The following POLRMT variants were observed in gnomAD, a reference collection of about 807,000 sequenced individuals.
POLRMT encodes the protein RNA polymerase mitochondrial.
In POLRMT, 114 loss-of-function variants were observed where a neutral mutation model predicts 132.2. That is an observed-to-expected ratio of 0.86 (90% CI 0.74 to 1.01). POLRMT has a LOEUF of 1.01. Among genes scored for constraint, POLRMT ranks in the 50% least tolerant of loss-of-function variants. The probability of loss-of-function intolerance (pLI) is 0.00; values close to 1 mark genes in which losing one functional copy is unlikely to be tolerated. For missense variants in POLRMT, 2,003 were observed against 1,729.1 expected (o/e 1.16, Z -2.81); for synonymous variants, 1,020 against 773.4 (o/e 1.32, Z -5.29).
intron 19 of POLRMT, 31 bp from the exon 20 acceptor site, chr19:617,511 GAGGCC>G: frequency 1.2e-6 from 2 of 1,605,688 alleles, no homozygotes; most frequent in Non-Finnish European, 1.7e-6. Flanking sequence ...GGGTGAGGCT[GAGGCC>G]AGGTTTTGGG....
rs778197186 is a variant in POLRMT at position 619,705 on chromosome 19, C to T, written c.2947G>A (p.Gly983Ser). ...TTCACCACCTTGCGGGTGATGAAACCTTCCAGCACCTGTGCCACCCGCATG... is the reference window on the plus strand; with the variant it reads ...TTCACCACCTTGCGGGTGATGAAACTTTCCAGCACCTGTGCCACCCGCATG... ...RGMRVAQVLE[G>S]FITRKVVKQT... The change falls in exon 13 of 21, where the codon GGT (glycine) becomes AGT (serine). Residue 983 changes from glycine (G) to serine (S), a missense_variant. Transcript: ENST00000588649. 4.4e-6 allele frequency: 7 copies of T among 1,607,154 alleles called. No individual in the cohort carries two copies. The highest frequency in any genetic ancestry group is 2.2e-5 in the South Asian group (2 of 90,806).
chr19:618,352 C>G, intron 17 of POLRMT, 136 bp downstream of exon 17: 1 of 690,392 alleles, frequency 1.4e-6, no homozygotes, highest in Non-Finnish European at 2.4e-6. Context: ...GGCCTCTACA[C>G]AGGCCCCACA....
Position 623,747 on chromosome 19 carries a change from C to A in POLRMT, c.1141-144G>T, listed in dbSNP as rs41563535. 4 of 1,040,192 alleles carry A rather than the reference C, an allele frequency of 3.8e-6. No individual in the cohort carries two copies. In the East Asian group the frequency reaches 1.0e-4, roughly 27 times the overall value. 64.4% of individuals were successfully genotyped at this position (1,040,192 alleles called of 1,614,324 possible). A position where few individuals can be genotyped will look rare whatever the true frequency, so the allele number is the denominator to read the frequency against. Reference sequence around the variant, plus strand: ...CGCTGACGCGGGGAAAGGCGGGCTGCGGGTAAAGTCAGTGCCAGCAGTGCA... The same window carrying A: ...CGCTGACGCGGGGAAAGGCGGGCTGAGGGTAAAGTCAGTGCCAGCAGTGCA... On this transcript the variant is annotated intron_variant, in intron 5 of 20. Transcript: ENST00000588649.
Position 623,607 on chromosome 19 carries a change from C to T in POLRMT, c.1141-4G>A, listed in dbSNP as rs1484165171. On this transcript the variant is annotated splice_polypyrimidine_tract_variant and splice_region_variant and intron_variant, in intron 5 of 20. Transcript: ENST00000588649. ...TCGGGTAGGACACACGCCCATCCTG[C>T]AGGGATGGGGGTAGTGAGGTTGGGG... 1 of 1,613,410 alleles carries T rather than the reference C, an allele frequency of 6.2e-7. No homozygotes were observed. Among genetic ancestry groups the T allele is most frequent in the East Asian group, 2.2e-5 (1 of 44,868 alleles).
rs988670603 is a variant in POLRMT at position 623,046 on chromosome 19, G to A, written c.1291-61C>T. On this transcript the variant is annotated intron_variant, in intron 6 of 20. Coordinates refer to ENST00000588649, the MANE Select transcript of POLRMT (RefSeq NM_005035.4). ...CAGCTGGTGGGACCCAGGCTCACAG[G>A]ACGGGGGTCACCGCAGCTCCCTGCA... 10 of 1,572,884 alleles carry A rather than the reference G, an allele frequency of 6.4e-6. No individual in the cohort carries two copies. The African/African-American group carries it at 9.4e-5, about 15-fold the overall frequency.
chr19:631,342 G>T (rs981505282), intron 2 of POLRMT, among the ~76,000 whole-genome samples: 3 of 150,364 alleles, frequency 2.0e-5, no homozygotes, highest in Non-Finnish European at 3.0e-5. Flanking sequence ...AAAAAAAGGG[G>T]GGGGGGGACC....
intron 10 of POLRMT, among the ~76,000 whole-genome samples, chr19:620,844 G>A (rs1055576290): frequency 3.6e-5 from 4 of 112,516 alleles, no homozygotes; most frequent in Non-Finnish European, 7.5e-5. Flanking sequence ...GAAGCAGGAC[G>A]GGCAGGGGGC....
At position 623,568 on chromosome 19, in the gene POLRMT, G is replaced by A. The variant is rs780059740; in HGVS notation, c.1176C>T (p.Pro392=). Residue 392 remains proline, a synonymous_variant, in exon 6 of 21, where the codon CCC becomes CCT. Transcript: ENST00000588649. ...GRVSYPKLHL[P]LKTLQCLFEK... ...CAAAGAGGCACTGCAGGGTCTTCAA[G>A]GGCAGGTGCAGCTTCGGGTAGGACA... 6.2e-6 allele frequency: 10 copies of A among 1,613,610 alleles called. No individual in the cohort carries two copies. Among genetic ancestry groups the A allele is most frequent in the South Asian group, 2.2e-5 (2 of 91,094 alleles).
chr19:618,839 G>A lies in POLRMT; in HGVS notation c.3268-79C>T, dbSNP rs982877278. 6 of 1,479,776 alleles carry A rather than the reference G, an allele frequency of 4.1e-6. No individual in the cohort carries two copies. The East Asian group carries it at 7.4e-5, about 18-fold the overall frequency. 91.7% of individuals were successfully genotyped at this position (1,479,776 alleles called of 1,614,324 possible). On this transcript the variant is annotated intron_variant, in intron 15 of 20. Coordinates refer to ENST00000588649, the MANE Select transcript of POLRMT (RefSeq NM_005035.4). ...TACATTGAGGTGGTGGTACACTGGG[G>A]TAGTGGCACGCTAGGATGGTGGCAC...
At position 618,041 on chromosome 19, in the gene POLRMT, T is replaced by C. The variant is rs139181979; in HGVS notation, c.3423-192A>G. On this transcript the variant is annotated intron_variant, in intron 17 of 20. Coordinates refer to ENST00000588649, the MANE Select transcript of POLRMT (RefSeq NM_005035.4). ...TAGGTATCAGTACAGGGGGAGGAAA[T>C]GTTCCCAGAAGCCTCCTCGCCCCAC... 1,882 of 527,782 alleles carry C rather than the reference T, an allele frequency of 3.6e-3. 25 individuals are homozygous for C. The African/African-American group carries it at 0.043, about 12-fold the overall frequency. The allele number at this position is 527,782 out of a possible 1,614,324, so 32.7% of individuals were successfully genotyped here.
At chr19:622,111 C>A in intron 9 of POLRMT, 38 bp downstream of exon 9, 1 of 1,495,144 alleles carries the variant, frequency 6.7e-7, no homozygotes, top group Non-Finnish European at 9.0e-7. Context: ...GTCCTCCCAG[C>A]GGGATGCCCC....
intron 5 of POLRMT, 29 bp from the exon 6 acceptor site, chr19:623,632 G>T (rs1411326572): frequency 6.2e-7 from 1 of 1,607,332 alleles, no homozygotes; most frequent in South Asian, 1.1e-5. Context: ...TGAGGTTGGG[G>T]GCTTGCCAGA....
intron 2 of POLRMT, among the ~76,000 whole-genome samples, chr19:630,603 C>T (rs1568177095): frequency 6.6e-6 from 1 of 152,110 alleles, no homozygotes; most frequent in African/African-American, 2.4e-5. Context: ...CTCAGGGCCT[C>T]TGCACAGACT....
intron 6 of POLRMT, 86 bp from the exon 7 acceptor site, chr19:623,071 A>G (rs1217555467): frequency 1.8e-5 from 27 of 1,471,126 alleles, no homozygotes; most frequent in Non-Finnish European, 2.4e-5. Context: ...AGCTCCCTGC[A>G]GAGACCTCAT....
At chr19:626,401 G>T (rs918862952) in intron 3 of POLRMT, among the ~76,000 whole-genome samples, 1 of 151,282 alleles carries the variant, frequency 6.6e-6, no homozygotes, top group East Asian at 2.0e-4. Flanking sequence ...GGATCCACCC[G>T]CCTCGGCCTC....
At chr19:627,068 A>G (rs1476388212) in intron 3 of POLRMT, among the ~76,000 whole-genome samples, 2 of 146,634 alleles carry the variant, frequency 1.4e-5, no homozygotes, top group African/African-American at 5.0e-5. Flanking sequence ...ACATCCTCCC[A>G]CCCCATAGTC....
chr19:623,151 G>A lies in POLRMT; in HGVS notation c.1291-166C>T, dbSNP rs545266370. Among the ~76,000 whole-genome samples the A allele has an allele frequency of 3.5e-4, 53 of 152,318 alleles. 1 individual carries two copies. The South Asian group carries it at 9.7e-3, about 28-fold the overall frequency. On this transcript the variant is annotated intron_variant, in intron 6 of 20. Coordinates refer to ENST00000588649, the MANE Select transcript of POLRMT (RefSeq NM_005035.4). ...CGGCCTGCCCTCTGCCGGCTTCAGC[G>A]TGCCTGACGCAGCCAAGAGCAAAAG...
chr19:631,341 G>A (rs189558802), intron 2 of POLRMT, among the ~76,000 whole-genome samples: 1 of 150,366 alleles, frequency 6.7e-6, no homozygotes, highest in Admixed American at 6.6e-5. Flanking sequence ...AAAAAAAAGG[G>A]GGGGGGGGAC....
Position 620,043 on chromosome 19 carries a change from A to C in POLRMT, c.2801T>G (p.Leu934Arg). Residue 934 changes from leucine to arginine, a missense_variant, in exon 12 of 21, where the codon CTG becomes CGG. Physicochemically the swap from Leu to Arg is moderately radical, Grantham distance 102 (BLOSUM62 -2). Coordinates refer to ENST00000588649, the MANE Select transcript of POLRMT (RefSeq NM_005035.4). Reference protein sequence around the residue: ...SCNGLQHYAALGRDSVGAASV... With the variant: ...SCNGLQHYAARGRDSVGAASV... ...GGCGGCGCCCACGCTGTCGCGGCCCAGAGCAGCATAATGCTGCAGGCCGTT... is the reference window on the plus strand; with the variant it reads ...GGCGGCGCCCACGCTGTCGCGGCCCCGAGCAGCATAATGCTGCAGGCCGTT... The C allele has an allele frequency of 6.4e-7, 1 of 1,554,908 alleles. No individual in the cohort carries two copies. Among genetic ancestry groups the C allele is most frequent in the Non-Finnish European group, 8.7e-7 (1 of 1,154,892 alleles).
Sources: gnomAD v4.1 joint callset for allele counts (sites outside exome capture counted in the v4.1 genomes callset) on GRCh38, gnomAD v4.1.1 for gene constraint, MANE v1.5 for transcripts, NCBI Gene and HGNC (gene_info 2026-07-23, HGNC 2026-07-21) for gene names.